Variants in GRM1 observed in about 807,000 individuals in gnomAD.
The protein encoded by GRM1 is metabotropic glutamate receptor 1.
Under a neutral mutation model 90.9 loss-of-function variants are expected in GRM1, and 33 were observed. The observed-to-expected ratio is 0.36, with a 90% confidence interval of 0.28 to 0.49. GRM1 has a LOEUF of 0.49. GRM1 is among the 20% of genes least tolerant of loss of function. GRM1 has a pLI of 0.99. For missense variants in GRM1, 1,190 were observed against 1,534.3 expected (o/e 0.78, Z 3.75); for synonymous variants, 700 against 613.2 (o/e 1.14, Z -2.09).
chr6:146,434,945 G>A lies in GRM1; in HGVS notation c.*149G>A. ...TGCTGCTGCTGCCGCTACTGCTGCT[G>A]CTGCCTTAAGTAGGAAGAGAGGGAA... On this transcript the variant is annotated 3_prime_UTR_variant, in exon 8 of 8. Coordinates refer to ENST00000282753, the MANE Select transcript of GRM1 (RefSeq NM_001278064.2). 3 of 736,790 alleles carry A rather than the reference G, an allele frequency of 4.1e-6. No homozygotes were observed. The highest frequency in any genetic ancestry group is 7.2e-6 in the Non-Finnish European group (3 of 419,356). The allele number at this position is 736,790 out of a possible 1,614,324, so 45.6% of individuals were successfully genotyped here.
At chr6:146,123,042 A>G (rs1421329573) in intron 1 of GRM1, among the ~76,000 whole-genome samples, 1 of 151,344 alleles carries the variant, frequency 6.6e-6, no homozygotes, top group Non-Finnish European at 1.5e-5. Flanking sequence ...ATGGGGTTTC[A>G]CCATGCTGGC....
chr6:146,314,423 G>T (rs1052482137), intron 3 of GRM1, among the ~76,000 whole-genome samples: 1 of 152,022 alleles, frequency 6.6e-6, no homozygotes, highest in African/African-American at 2.4e-5. Context: ...TATTCACCTG[G>T]TAATGAACAT....
At chr6:146,138,633 A>G (rs1157593472) in intron 1 of GRM1, among the ~76,000 whole-genome samples, 2 of 151,726 alleles carry the variant, frequency 1.3e-5, no homozygotes, top group Non-Finnish European at 2.9e-5. Context: ...GAATTTATTT[A>G]TTTCTTCTAG....
At chr6:146,417,014 T>C (rs779213129) in intron 7 of GRM1, among the ~76,000 whole-genome samples, 2 of 152,218 alleles carry the variant, frequency 1.3e-5, no homozygotes, top group Non-Finnish European at 2.9e-5. Context: ...CCTCAAGTTC[T>C]AGCTGCCTTG....
At chr6:146,160,852 A>G (rs2128891510) in intron 2 of GRM1, among the ~76,000 whole-genome samples, 1 of 152,322 alleles carries the variant, frequency 6.6e-6, no homozygotes, top group East Asian at 1.9e-4. Context: ...GCCAAGGTCA[A>G]ATTGTAATTC....
chr6:146,405,587 A>G (rs1391788247), intron 7 of GRM1, among the ~76,000 whole-genome samples: 2 of 152,220 alleles, frequency 1.3e-5, no homozygotes, highest in Non-Finnish European at 2.9e-5. Context: ...AGGCTTTCCC[A>G]TTGAGTCACA....
chr6:146,256,429 C>G lies in GRM1; in HGVS notation c.951-48182C>G, dbSNP rs865864514. The stretch of plus-strand genomic sequence containing the variant: ...CTCTATCTGGCCCTTCACTCCTCCC[C>G]CAGTGTGTCTGGGGAAAGAGTCCTC... On this transcript the variant is annotated intron_variant, in intron 2 of 7. Coordinates refer to ENST00000282753, the MANE Select transcript of GRM1 (RefSeq NM_001278064.2). Among the ~76,000 whole-genome samples the G allele has an allele frequency of 1.2e-4, 18 of 152,272 alleles. 1 individual carries two copies. In the South Asian group the frequency reaches 1.5e-3, roughly 12 times the overall value.
chr6:146,345,109 C>T (rs1250703311), intron 3 of GRM1, among the ~76,000 whole-genome samples: 2 of 152,182 alleles, frequency 1.3e-5, no homozygotes, highest in Non-Finnish European at 2.9e-5. Context: ...CCAAGCCCAG[C>T]CAAAATCCAC....
chr6:146,049,061 A>C (rs1430852933), intron 1 of GRM1, among the ~76,000 whole-genome samples: 1 of 151,884 alleles, frequency 6.6e-6, no homozygotes, highest in Non-Finnish European at 1.5e-5. Context: ...CTAAAAAAAA[A>C]ACTAGTGTTC....
At chr6:146,333,540 G>A (rs1172675328) in intron 3 of GRM1, among the ~76,000 whole-genome samples, 5 of 152,106 alleles carry the variant, frequency 3.3e-5, no homozygotes, top group Non-Finnish European at 7.3e-5. Flanking sequence ...GCAAGTGAAC[G>A]GTGGCAGAGA....
chr6:146,240,155 G>T (rs1369694554), intron 2 of GRM1, among the ~76,000 whole-genome samples: 1 of 152,072 alleles, frequency 6.6e-6, no homozygotes, highest in Admixed American at 6.6e-5. Context: ...CAAACACGTT[G>T]TGAAGAGAAC....
rs192255597 is a variant in GRM1, at chr6:146,115,623, G to A, written c.701-43725G>A. Among the ~76,000 whole-genome samples the A allele has an allele frequency of 7.6e-4, 116 of 152,034 alleles. 1 individual carries two copies. The highest frequency in any genetic ancestry group is 2.8e-3 in the Admixed American group (43 of 15,244). ...CATAAATATATAATTTTTTAATACCGTCTTCCCATTCATATAGGTCTGGCA... is the reference window on the plus strand; with the variant it reads ...CATAAATATATAATTTTTTAATACCATCTTCCCATTCATATAGGTCTGGCA... On this transcript the variant is annotated intron_variant, in intron 1 of 7. Transcript: ENST00000282753.
Position 146,434,843 on chromosome 6 carries a change from A to C in GRM1, c.*47A>C. The C allele has an allele frequency of 2.0e-6, 3 of 1,469,730 alleles. No homozygotes were observed. The highest frequency in any genetic ancestry group is 2.8e-6 in the Non-Finnish European group (3 of 1,062,676). The allele number at this position is 1,469,730 out of a possible 1,614,324, so 91.0% of individuals were successfully genotyped here. The stretch of plus-strand genomic sequence containing the variant: ...AAGCAAGACAAGCCAGAGATCTCCC[A>C]CACCTCCAGAGATGTGCAAACAGCT... On this transcript the variant is annotated 3_prime_UTR_variant, in exon 8 of 8. Transcript: ENST00000282753.
chr6:146,338,374 G>A (rs954645213), intron 3 of GRM1, among the ~76,000 whole-genome samples: 5 of 152,152 alleles, frequency 3.3e-5, no homozygotes, highest in African/African-American at 1.2e-4. Context: ...TCCTCTATGT[G>A]GTCTATCTTA....
chr6:146,155,076 T>C (rs1470516848), intron 1 of GRM1, among the ~76,000 whole-genome samples: 1 of 152,212 alleles, frequency 6.6e-6, no homozygotes, highest in Non-Finnish European at 1.5e-5. Flanking sequence ...CATTTAAGTA[T>C]CTGGAACTAT....
At chr6:146,047,588 A>C (rs1328332868) in intron 1 of GRM1, among the ~76,000 whole-genome samples, 2 of 151,762 alleles carry the variant, frequency 1.3e-5, no homozygotes, top group African/African-American at 2.4e-5. Context: ...AAAAAAAAAA[A>C]AAACCTGCCA....
Position 146,434,505 on chromosome 6 carries a change from C to G in GRM1, c.3294C>G (p.Asp1098Glu), listed in dbSNP as rs1321548494. The G allele has an allele frequency of 1.9e-6, 3 of 1,614,080 alleles. No homozygotes were observed. Among genetic ancestry groups the G allele is most frequent in the Admixed American group, 1.7e-5 (1 of 60,014 alleles). Residue 1098 changes from aspartate to glutamate, a missense_variant, in exon 8 of 8, where the codon GAC becomes GAG. Transcript: ENST00000282753. ...ELVSPPADDD[D>E]DSERFKLLQE... ...TCTCCCCGCCCGCGGACGACGACGA[C>G]GACAGCGAGAGGTTTAAGCTCCTCC... is the stretch of plus-strand genomic sequence containing the variant.
Position 146,436,088 on chromosome 6 carries a change from C to T in GRM1, c.*1292C>T, listed in dbSNP as rs1778586209. On this transcript the variant is annotated 3_prime_UTR_variant, in exon 8 of 8. Coordinates refer to ENST00000282753, the MANE Select transcript of GRM1 (RefSeq NM_001278064.2). ...GTCAAATTGACTGGTCAATGTCAACCTAGTAGTCAATCTAACTGCAATTAG... is the reference window on the plus strand; with the variant it reads ...GTCAAATTGACTGGTCAATGTCAACTTAGTAGTCAATCTAACTGCAATTAG... 1 of 152,542 alleles carries T rather than the reference C, an allele frequency of 6.6e-6. No homozygotes were observed. The highest frequency in any genetic ancestry group is 1.5e-5 in the Non-Finnish European group (1 of 68,026). The allele number at this position is 152,542 out of a possible 1,614,324, so 9.4% of individuals were successfully genotyped here. A position where few individuals can be genotyped will look rare whatever the true frequency, so the allele number is the denominator to read the frequency against.
intron 1 of GRM1, among the ~76,000 whole-genome samples, chr6:146,064,716 G>A (rs1274594788): frequency 2.0e-5 from 3 of 147,966 alleles, no homozygotes; most frequent in South Asian, 2.1e-4. Flanking sequence ...GCTTGAACCC[G>A]AGAGGTGGAG....
Sources: gnomAD v4.1 joint callset for allele counts (sites outside exome capture counted in the v4.1 genomes callset) on GRCh38, gnomAD v4.1.1 for gene constraint, MANE v1.5 for transcripts, NCBI Gene and HGNC (gene_info 2026-07-23, HGNC 2026-07-21) for gene names.